Variants in GABRA3 observed in about 807,000 individuals in gnomAD.
The protein encoded by GABRA3 is gamma-aminobutyric acid receptor subunit alpha-3.
Under a neutral mutation model 30.1 loss-of-function variants are expected in GABRA3, and 10 were observed. The ratio of observed to expected loss-of-function variants is 0.33; its 90% CI spans 0.20 to 0.56. The LOEUF (loss-of-function observed/expected upper bound fraction) is 0.56. Ranked by LOEUF, GABRA3 falls within the 20% of genes least tolerant of loss-of-function variation. GABRA3 has a pLI of 0.89. For missense variants in GABRA3, 233 were observed against 392.0 expected, an observed-to-expected ratio of 0.59 and a Z score of 3.42; for synonymous variants, 151 against 146.8, an observed-to-expected ratio of 1.03 and a Z score of -0.21.
intron 3 of GABRA3, among the ~76,000 whole-genome samples, chrX:152,289,458 TTA>T (rs1939357888): frequency 9.0e-6 from 1 of 111,254 alleles, no homozygotes; most frequent in African/African-American, 3.3e-5. Flanking sequence ...CTTATTTTGA[TTA>T]TGTCTCCCTT....
intron 4 of GABRA3, among the ~76,000 whole-genome samples, chrX:152,259,766 GCT>G (rs1938696534): frequency 1.8e-5 from 2 of 111,302 alleles, no homozygotes; most frequent in Admixed American, 1.9e-4. Flanking sequence ...CTTGGATTAG[GCT>G]CTGAGATTTG....
At chrX:152,372,576 G>C (rs1928869761) in intron 1 of GABRA3, among the ~76,000 whole-genome samples, 1 of 111,602 alleles carries the variant, frequency 9.0e-6, no homozygotes, top group African/African-American at 3.3e-5. Context: ...CCATAGAGTA[G>C]AGCCTAGCAC....
chrX:152,241,220 A>G (rs1235937780), intron 5 of GABRA3, among the ~76,000 whole-genome samples: 18 of 96,264 alleles, frequency 1.9e-4, no homozygotes, highest in African/African-American at 3.5e-4. Context: ...TCTAACAGAC[A>G]GGACCCTCAG....
intron 2 of GABRA3, among the ~76,000 whole-genome samples, chrX:152,348,796 T>C (rs1365357124): frequency 8.9e-6 from 1 of 112,403 alleles, no homozygotes; most frequent in East Asian, 2.8e-4. Flanking sequence ...ATACCTTAAT[T>C]AAAAATACTT....
intron 9 of GABRA3, among the ~76,000 whole-genome samples, chrX:152,181,767 C>T (rs1474394546): frequency 1.8e-5 from 2 of 109,295 alleles, no homozygotes; most frequent in Non-Finnish European, 3.8e-5. Context: ...CACATGTATA[C>T]ATATGTAACT....
chrX:152,260,399 G>C (rs1348279615), intron 4 of GABRA3, among the ~76,000 whole-genome samples: 1 of 110,937 alleles, frequency 9.0e-6, no homozygotes, highest in African/African-American at 3.3e-5. Context: ...ATAGGCAGTA[G>C]CCAGGAAGTA....
intron 3 of GABRA3, among the ~76,000 whole-genome samples, chrX:152,294,296 C>T (rs1012380439): frequency 4.2e-4 from 47 of 111,454 alleles, no homozygotes; most frequent in African/African-American, 1.5e-3. Context: ...TTCACATAGT[C>T]CCATATTTCT....
chrX:152,198,759 C>T (rs780690805), intron 7 of GABRA3, among the ~76,000 whole-genome samples: 12 of 111,963 alleles, frequency 1.1e-4, no homozygotes, highest in Admixed American at 1.9e-4. Context: ...CTCACTCAGA[C>T]GCTGGCAATT....
chrX:152,298,787 G>A (rs1939580404), intron 3 of GABRA3, among the ~76,000 whole-genome samples: 1 of 111,622 alleles, frequency 9.0e-6, no homozygotes, highest in Admixed American at 9.5e-5. Flanking sequence ...CTAGATCCCT[G>A]AGGAATCACC....
chrX:152,373,902 T>C (rs1182325859), intron 1 of GABRA3, among the ~76,000 whole-genome samples: 1 of 109,866 alleles, frequency 9.1e-6, no homozygotes, highest in African/African-American at 3.3e-5. Context: ...ATTGGGATAG[T>C]TTGCTCAGAA....
At chrX:152,211,861 AAAG>A (rs766240668) in intron 6 of GABRA3, among the ~76,000 whole-genome samples, 13 of 111,797 alleles carry the variant, frequency 1.2e-4, no homozygotes, top group Admixed American at 5.7e-4. Flanking sequence ...TTAGTAGGTG[AAAG>A]AAGGACATTC....
chrX:152,171,081 T>C (rs1020990534), intron 9 of GABRA3, among the ~76,000 whole-genome samples: 4 of 111,840 alleles, frequency 3.6e-5, no homozygotes, highest in African/African-American at 1.3e-4. Flanking sequence ...TGCTTATTAA[T>C]TTGCTTAGTA....
At chrX:152,320,422 A>G (rs1844976) in intron 3 of GABRA3, among the ~76,000 whole-genome samples, 23,606 of 111,266 alleles carry the variant, frequency 0.21, 2,274 homozygotes, top group African/African-American at 0.38. Context: ...GGCATTCTCA[A>G]CAACCTGGAT....
intron 1 of GABRA3, among the ~76,000 whole-genome samples, chrX:152,391,774 C>T (rs978776872): frequency 6.3e-5 from 7 of 111,566 alleles, no homozygotes; most frequent in Non-Finnish European, 1.1e-4. Flanking sequence ...CATCAGACGA[C>T]CATGCTGAAT....
At position 152,345,633 on chromosome X, in the gene GABRA3, G is replaced by T. The variant is rs1434842737; in HGVS notation, c.210C>A (p.Ile70=). Residue 70 remains isoleucine, a synonymous_variant, in exon 3 of 10, where the codon ATC becomes ATA. Coordinates refer to ENST00000370314, the MANE Select transcript of GABRA3 (RefSeq NM_000808.4). ...STDNITIFTR[I]LDRLLDGYDN... ...CATAGCCGTCCAGAAGACGATCCAA[G>T]ATTCTGGTGAAGATAGTGATGTTGT... is the stretch of plus-strand genomic sequence containing the variant. 8.3e-7 allele frequency: 1 copy of T among 1,208,729 alleles called. No homozygotes were observed. Among genetic ancestry groups the T allele is most frequent in the Non-Finnish European group, 1.1e-6 (1 of 893,566 alleles).
chrX:152,172,374 G>A (rs182529033), intron 9 of GABRA3, among the ~76,000 whole-genome samples: 4 of 111,571 alleles, frequency 3.6e-5, no homozygotes, highest in Non-Finnish European at 1.9e-5. Flanking sequence ...AACCACTATG[G>A]AAAATGTTGT....
At chrX:152,325,619 C>A (rs1454147763) in intron 3 of GABRA3, among the ~76,000 whole-genome samples, 1 of 112,086 alleles carries the variant, frequency 8.9e-6, no homozygotes, top group African/African-American at 3.2e-5. Context: ...CTCCAACAGA[C>A]CTGCAGCTGA....
In GABRA3 at chrX:152,168,480, C is replaced by T; in HGVS notation, c.1227G>A (p.Lys409=). 5.8e-6 allele frequency: 7 copies of T among 1,211,286 alleles called. No individual in the cohort carries two copies. The highest frequency in any genetic ancestry group is 3.5e-5 in the South Asian group (2 of 56,958). Residue 409 remains lysine (K), a synonymous_variant, in exon 10 of 10, where the codon AAG becomes AAA. Coordinates refer to ENST00000370314, the MANE Select transcript of GABRA3 (RefSeq NM_000808.4). ...VGTTYPINLA[K]DTEFSTISKG... ...TGGAGATGGTGGAAAATTCAGTGTC[C>T]TTGGCCAGGTTGATGGGATAGGTGG...
At chrX:152,360,979 G>A (rs957703450) in intron 2 of GABRA3, among the ~76,000 whole-genome samples, 43 of 106,941 alleles carry the variant, frequency 4.0e-4, no homozygotes, top group African/African-American at 1.4e-3. Flanking sequence ...GGAGGCTCAG[G>A]CAGGAGGATC....
Sources: allele counts gnomAD v4.1 joint callset (sites outside exome capture counted in the v4.1 genomes callset), GRCh38; gene constraint gnomAD v4.1.1; transcripts MANE v1.5; gene names NCBI Gene and HGNC (gene_info 2026-07-23, HGNC 2026-07-21).